The following RAB3IP variants were observed in gnomAD, a reference collection of about 807,000 sequenced individuals.
The protein encoded by RAB3IP is rab-3A-interacting protein.
A neutral mutation model predicts 59.1 loss-of-function variants in RAB3IP; 36 were observed. That is an observed-to-expected ratio of 0.61 (90% CI 0.47 to 0.80). RAB3IP has a LOEUF of 0.80. RAB3IP is among the 30% of genes least tolerant of loss of function. The probability of loss-of-function intolerance (pLI) is 0.00; values close to 1 mark genes in which losing one functional copy is unlikely to be tolerated. For missense variants in RAB3IP, 511 were observed against 536.0 expected, an observed-to-expected ratio of 0.95 and a Z score of 0.46; for synonymous variants, 207 against 191.2, an observed-to-expected ratio of 1.08 and a Z score of -0.68.
intron 8 of RAB3IP, among the ~76,000 whole-genome samples, chr12:69,807,797 C>T (rs1158574312): frequency 6.5e-5 from 9 of 138,824 alleles, no homozygotes; most frequent in Admixed American, 5.8e-4. Context: ...AGATGATGGG[C>T]AGCCAGGCAG....
intron 1 of RAB3IP, among the ~76,000 whole-genome samples, chr12:69,755,150 C>T (rs1368582766): frequency 7.2e-5 from 11 of 152,172 alleles, no homozygotes; most frequent in African/African-American, 1.9e-4. Flanking sequence ...GTTGTGATCA[C>T]GGCTCACTGC....
chr12:69,759,895 G>C (rs1870999524), intron 3 of RAB3IP, among the ~76,000 whole-genome samples: 1 of 151,526 alleles, frequency 6.6e-6, no homozygotes, highest in Admixed American at 6.6e-5. Context: ...CTCCCAGACG[G>C]GGTCGCGGCT....
chr12:69,741,900 A>G (rs948039164), intron 1 of RAB3IP, among the ~76,000 whole-genome samples: 3 of 152,322 alleles, frequency 2.0e-5, no homozygotes, highest in South Asian at 4.1e-4. Context: ...CTTTTATGAG[A>G]TACGTAATGT....
At chr12:69,760,979 A>G (rs11177834) in intron 3 of RAB3IP, among the ~76,000 whole-genome samples, 51,891 of 152,026 alleles carry the variant, frequency 0.34, 9,108 homozygotes, top group Non-Finnish European at 0.37. Context: ...ATATCTTCAA[A>G]AAGTTTTCCA....
intron 1 of RAB3IP, among the ~76,000 whole-genome samples, chr12:69,747,347 A>G (rs1176618251): frequency 6.6e-6 from 1 of 150,990 alleles, no homozygotes; most frequent in Non-Finnish European, 1.5e-5. Flanking sequence ...AGAGAGAGAG[A>G]GAGGATCTTT....
At chr12:69,738,834 T>TCCCGGCC (rs1381542528), upstream of RAB3IP, 31 of 150,622 alleles carry the variant, frequency 2.1e-4, no homozygotes, top group African/African-American at 5.4e-4. Context: ...CGCTCCCGGC[T>TCCCGGCC]CCCGGCCCCC....
intron 6 of RAB3IP, among the ~76,000 whole-genome samples, chr12:69,797,388 A>G (rs1877598298): frequency 6.6e-6 from 1 of 151,802 alleles, no homozygotes; most frequent in Non-Finnish European, 1.5e-5. Context: ...AGCTCTTAAT[A>G]AATGGTTTAA....
rs1238916468 is a variant in RAB3IP, at chr12:69,817,896, C to G, written c.*2450C>G. 1.3e-5 allele frequency: 2 copies of G among 152,108 alleles called. No individual in the cohort carries two copies. Among genetic ancestry groups the G allele is most frequent in the Non-Finnish European group, 2.9e-5 (2 of 68,032 alleles). The allele number at this position is 152,108 out of a possible 1,614,324, so 9.4% of individuals were successfully genotyped here. On this transcript the variant is annotated 3_prime_UTR_variant, in exon 11 of 11. Transcript: ENST00000247833. The stretch of plus-strand genomic sequence containing the variant: ...AATTCTACAAACCAACAAAAAAGGA[C>G]AGTGTCACAGAAAAACAGGCAAAAG...
chr12:69,754,756 T>TA (rs898468933), intron 1 of RAB3IP, among the ~76,000 whole-genome samples: 2 of 152,328 alleles, frequency 1.3e-5, no homozygotes, highest in African/African-American at 2.4e-5. Flanking sequence ...TGTTCTCTGT[T>TA]AAAAAAATTG....
intron 8 of RAB3IP, among the ~76,000 whole-genome samples, chr12:69,811,767 C>G (rs898120829): frequency 1.3e-5 from 2 of 152,196 alleles, no homozygotes; most frequent in Non-Finnish European, 2.9e-5. Context: ...GCCCCCTCCT[C>G]AAAAATTATC....
intron 4 of RAB3IP, among the ~76,000 whole-genome samples, chr12:69,794,039 T>G (rs1238705569): frequency 6.6e-6 from 1 of 152,174 alleles, no homozygotes; most frequent in African/African-American, 2.4e-5. Context: ...ATTGGTGTGT[T>G]AATGTTTTTA....
At chr12:69,801,130 TG>T (rs916023410) in intron 7 of RAB3IP, among the ~76,000 whole-genome samples, 1 of 152,238 alleles carries the variant, frequency 6.6e-6, no homozygotes, top group African/African-American at 2.4e-5. Context: ...CGTCTTCATC[TG>T]GGCATTTAAT....
chr12:69,789,303 G>A (rs1414396373), intron 4 of RAB3IP, among the ~76,000 whole-genome samples: 1 of 151,410 alleles, frequency 6.6e-6, no homozygotes, highest in East Asian at 1.9e-4. Context: ...AATGAAAGAG[G>A]AGGTATTACA....
At chr12:69,814,985 C>T (rs11177878) in intron 10 of RAB3IP, among the ~76,000 whole-genome samples, 16,292 of 151,982 alleles carry the variant, frequency 0.11, 1,198 homozygotes, top group Middle Eastern at 0.17. Flanking sequence ...GTAAAATGGC[C>T]GCGATATAAC....
intron 8 of RAB3IP, among the ~76,000 whole-genome samples, chr12:69,811,250 G>C (rs2136284317): frequency 6.6e-6 from 1 of 152,248 alleles, no homozygotes; most frequent in South Asian, 2.1e-4. Context: ...AGGATGGGAA[G>C]AGGGAGAAGA....
At chr12:69,781,634 C>T (rs1436054703) in intron 3 of RAB3IP, among the ~76,000 whole-genome samples, 1 of 152,122 alleles carries the variant, frequency 6.6e-6, no homozygotes, top group Non-Finnish European at 1.5e-5. Context: ...AGTGTGTAGC[C>T]TTTTCAGATT....
At chr12:69,809,583 C>G (rs189137341) in intron 8 of RAB3IP, among the ~76,000 whole-genome samples, 8 of 152,146 alleles carry the variant, frequency 5.3e-5, no homozygotes, top group Non-Finnish European at 1.0e-4. Context: ...ATATTTCTTG[C>G]AGGCTTTGTT....
chr12:69,794,631 A>G (rs1877158095), intron 5 of RAB3IP, 117 bp downstream of exon 5: 2 of 724,410 alleles, frequency 2.8e-6, no homozygotes, highest in Non-Finnish European at 4.4e-6. Context: ...TTCAATTTGG[A>G]AACTACAGAA....
chr12:69,744,670 C>G lies in RAB3IP; in HGVS notation c.-26+5639C>G, dbSNP rs553208917. On this transcript the variant is annotated intron_variant, in intron 1 of 10. Coordinates refer to ENST00000247833, the MANE Select transcript of RAB3IP (RefSeq NM_022456.5). ...TTGTGCCACTGCACTCCAGCCTGGGCGACAGAGCGAGACTGCATCTCAAAA... is the reference window on the plus strand; with the variant it reads ...TTGTGCCACTGCACTCCAGCCTGGGGGACAGAGCGAGACTGCATCTCAAAA... 2.1e-3 allele frequency among the ~76,000 whole-genome samples: 295 copies of G among 138,224 alleles called. 1 individual carries two copies. Among genetic ancestry groups the G allele is most frequent in the African/African-American group, 7.9e-3 (289 of 36,374 alleles). The allele number at this position is 138,224 out of a possible 152,430, so 90.7% of individuals were successfully genotyped here. A position where few individuals can be genotyped will look rare whatever the true frequency, so the allele number is the denominator to read the frequency against.
Sources: gnomAD v4.1 joint callset for allele counts (sites outside exome capture counted in the v4.1 genomes callset) on GRCh38, gnomAD v4.1.1 for gene constraint, MANE v1.5 for transcripts, NCBI Gene and HGNC (gene_info 2026-07-23, HGNC 2026-07-21) for gene names.